ADGRV1: variants seen among roughly 807,000 people sequenced by gnomAD.
ADGRV1 encodes G-protein coupled receptor 98.
ADGRV1 carries 359 observed loss-of-function variants against 596.2 expected under a neutral mutation model. The observed-to-expected ratio is 0.60, with a 90% CI of 0.55 to 0.66. The LOEUF (loss-of-function observed/expected upper bound fraction) is 0.66, where lower values mean the gene tolerates loss of function less well. Ranked by LOEUF, ADGRV1 falls within the 30% of genes least tolerant of loss-of-function variation. The pLI is 0.00. For missense variants in ADGRV1, 7,274 were observed against 7,575.6 expected, an observed-to-expected ratio of 0.96 and a Z score of 1.48; for synonymous variants, 2,681 against 2,679.2, an observed-to-expected ratio of 1.00 and a Z score of -0.02.
intron 50 of ADGRV1, among the ~76,000 whole-genome samples, chr5:90,732,115 C>G (rs1421505265): frequency 6.6e-6 from 1 of 152,102 alleles, no homozygotes; most frequent in East Asian, 1.9e-4. Context: ...GTACTCCCAC[C>G]TCAGCCTCCT....
At position 91,153,220 on chromosome 5, in the gene ADGRV1, G is replaced by T. The variant is rs774832185; in HGVS notation, c.18625-1G>T. ...TTTTCCCCCCATCCCAATCTAAAAAGGTGCCACCTGACTGGGAGAGAGCAT... is the reference window on the plus strand; with the variant it reads ...TTTTCCCCCCATCCCAATCTAAAAATGTGCCACCTGACTGGGAGAGAGCAT... On this transcript the variant is annotated splice_acceptor_variant, in intron 88 of 89. Coordinates refer to ENST00000405460, the MANE Select transcript of ADGRV1 (RefSeq NM_032119.4). LOFTEE classifies it high-confidence loss of function. 1.2e-6 allele frequency: 2 copies of T among 1,601,512 alleles called. No homozygotes were observed. Among genetic ancestry groups the T allele is most frequent in the Non-Finnish European group, 1.7e-6 (2 of 1,173,738 alleles).
At chr5:90,639,769 T>C (rs59496152) in intron 11 of ADGRV1, among the ~76,000 whole-genome samples, 27,568 of 152,092 alleles carry the variant, frequency 0.18, 2,696 homozygotes, top group East Asian at 0.4. Context: ...TAAATAAAAT[T>C]TAGATACTGT....
intron 34 of ADGRV1, among the ~76,000 whole-genome samples, chr5:90,699,586 T>C (rs569429952): frequency 2.5e-4 from 38 of 152,226 alleles, no homozygotes; most frequent in African/African-American, 8.4e-4. Flanking sequence ...TACAAAACAA[T>C]TTGGATGTCT....
chr5:91,082,931 A>G (rs1171153884), intron 86 of ADGRV1, among the ~76,000 whole-genome samples: 1 of 152,208 alleles, frequency 6.6e-6, no homozygotes, highest in Non-Finnish European at 1.5e-5. Flanking sequence ...AAGGAAATAT[A>G]TAGTCTACAA....
At chr5:90,979,066 G>A (rs867817335) in intron 84 of ADGRV1, among the ~76,000 whole-genome samples, 4 of 151,478 alleles carry the variant, frequency 2.6e-5, no homozygotes, top group Non-Finnish European at 5.9e-5. Flanking sequence ...ACTTCTACAA[G>A]TAAAACATAT....
At chr5:90,790,107 A>T (rs1759901373) in intron 69 of ADGRV1, among the ~76,000 whole-genome samples, 1 of 152,196 alleles carries the variant, frequency 6.6e-6, no homozygotes, top group South Asian at 2.1e-4. Flanking sequence ...TAAAGAACCA[A>T]ATGATTTTAC....
Position 91,035,861 on chromosome 5 carries a change from T to TATAA in ADGRV1, c.18153-36586_18153-36585insATAA. 6.0e-3 allele frequency among the ~76,000 whole-genome samples: 574 copies of TATAA among 96,208 alleles called. 9 individuals carry two copies. The highest frequency in any genetic ancestry group is 0.014 in the African/African-American group (377 of 26,270). The allele number at this position is 96,208 out of a possible 152,430, so 63.1% of individuals were successfully genotyped here. On this transcript the variant is annotated intron_variant, in intron 85 of 89. Coordinates refer to ENST00000405460, the MANE Select transcript of ADGRV1 (RefSeq NM_032119.4). ...ATGAGTGTGTATATATATATATATA[T>TATAA]TATATATATATATATATATATCTTA...
chr5:90,633,544 C>CA lies in ADGRV1; in HGVS notation c.1840-1569dup, dbSNP rs555070284. On this transcript the variant is annotated intron_variant, in intron 9 of 89. Transcript: ENST00000405460. ...AATATCTTTGCCTTATAACAATGCA[C>CA]ACCCTTATATTTATATACCATTCAA... Among the ~76,000 whole-genome samples, 764 of 152,068 alleles carry CA rather than the reference C, an allele frequency of 5.0e-3. 5 individuals carry two copies. The highest frequency in any genetic ancestry group is 9.0e-3 in the Non-Finnish European group (614 of 67,958).
At chr5:90,986,465 G>A (rs1291980191) in intron 85 of ADGRV1, among the ~76,000 whole-genome samples, 1 of 151,984 alleles carries the variant, frequency 6.6e-6, no homozygotes, top group Admixed American at 6.6e-5. Flanking sequence ...TGTTATTGAT[G>A]TATACAAATG....
chr5:91,059,462 A>T (rs536889415), intron 85 of ADGRV1, among the ~76,000 whole-genome samples: 40 of 152,290 alleles, frequency 2.6e-4, no homozygotes, highest in Non-Finnish European at 4.9e-4. Context: ...TACCCTCAAC[A>T]GCAAGATCAT....
chr5:91,039,868 T>C (rs938850648), intron 85 of ADGRV1, among the ~76,000 whole-genome samples: 7 of 152,160 alleles, frequency 4.6e-5, no homozygotes, highest in Non-Finnish European at 1.0e-4. Context: ...ATAAAAAGTA[T>C]GTCTAGAATA....
intron 68 of ADGRV1, 123 bp downstream of exon 68, chr5:90,788,433 CATA>C: frequency 1.1e-6 from 1 of 931,792 alleles, no homozygotes; most frequent in Non-Finnish European, 1.5e-6. Flanking sequence ...CAAATAATAT[CATA>C]ATAATTCTGA....
intron 21 of ADGRV1, among the ~76,000 whole-genome samples, chr5:90,672,051 A>T (rs1056380073): frequency 2.0e-4 from 30 of 152,114 alleles, no homozygotes; most frequent in African/African-American, 7.2e-4. Context: ...ATACCACCAA[A>T]TATACTATAT....
chr5:91,055,705 C>T (rs1786781124), intron 85 of ADGRV1, among the ~76,000 whole-genome samples: 1 of 152,086 alleles, frequency 6.6e-6, no homozygotes, highest in African/African-American at 2.4e-5. Context: ...TCAGAATGAC[C>T]CAGACAGTGG....
intron 83 of ADGRV1, among the ~76,000 whole-genome samples, chr5:90,923,899 C>T (rs1007589848): frequency 9.3e-5 from 14 of 151,032 alleles, no homozygotes; most frequent in African/African-American, 1.5e-4. Flanking sequence ...TTTGTTCTTG[C>T]GATAGTTTAC....
intron 75 of ADGRV1, among the ~76,000 whole-genome samples, chr5:90,820,310 C>T (rs1383691951): frequency 6.9e-6 from 1 of 144,436 alleles, no homozygotes; most frequent in African/African-American, 2.6e-5. Context: ...CTATGTGTGT[C>T]TCTGCACGTG....
At chr5:90,629,711 T>C (rs1765250024) in intron 9 of ADGRV1, 172 bp downstream of exon 9, 2 of 519,802 alleles carry the variant, frequency 3.8e-6, no homozygotes, top group African/African-American at 1.9e-5. Context: ...TCCTAAGGTA[T>C]ATAAGTATAA....
chr5:91,026,818 C>A (rs746179115), intron 85 of ADGRV1, among the ~76,000 whole-genome samples: 58 of 152,134 alleles, frequency 3.8e-4, no homozygotes, highest in Non-Finnish European at 7.2e-4. Context: ...AGAATAGGAT[C>A]CGAGACCCAC....
chr5:90,681,981 T>C (rs992068062), intron 27 of ADGRV1, among the ~76,000 whole-genome samples: 2 of 151,868 alleles, frequency 1.3e-5, no homozygotes, highest in Admixed American at 6.6e-5. Context: ...ATTCTCCTGC[T>C]TCAGCCTTCC....
Sources: gnomAD v4.1 joint callset for allele counts (sites outside exome capture counted in the v4.1 genomes callset) on GRCh38, gnomAD v4.1.1 for gene constraint, MANE v1.5 for transcripts, NCBI Gene and HGNC (gene_info 2026-07-23, HGNC 2026-07-21) for gene names.